GUK1: variants seen among roughly 807,000 people sequenced by gnomAD.
GUK1 encodes the protein guanylate kinase.
In GUK1, 18 loss-of-function variants were observed where a neutral mutation model predicts 25.2. That is an observed-to-expected ratio of 0.71 (90% CI 0.49 to 1.06). The LOEUF (loss-of-function observed/expected upper bound fraction) is 1.06. Ranked by LOEUF, GUK1 falls within the 50% of genes least tolerant of loss-of-function variation. The probability of loss-of-function intolerance (pLI) is 0.00; values close to 1 mark genes in which losing one functional copy is unlikely to be tolerated. For missense variants in GUK1, 261 were observed against 276.7 expected (o/e 0.94, Z 0.40); for synonymous variants, 105 against 117.6 (o/e 0.89, Z 0.69).
Position 228,146,950 on chromosome 1 carries a change from G to T in GUK1, c.251+12G>T, listed in dbSNP as rs769367413. On this transcript the variant is annotated intron_variant, in intron 5 of 8. Transcript: ENST00000312726. ...CTGTATGGCACGAGGTGGGCCATGC[G>T]TGGGTGTGGGTGGGCTCCCAGGGTT... 1.3e-6 allele frequency: 2 copies of T among 1,548,054 alleles called. No individual in the cohort carries two copies. The highest frequency in any genetic ancestry group is 1.7e-4 in the Middle Eastern group (1 of 5,964).
At chr1:228,145,990 G>C (rs769499272) in intron 3 of GUK1, 36 bp from the exon 3 acceptor site, 5 of 1,549,262 alleles carry the variant, frequency 3.2e-6, no homozygotes, top group Non-Finnish European at 4.5e-6. Flanking sequence ...ATTGGGCTCC[G>C]AGCAGCCCCC....
rs887714861 is a variant in GUK1 at position 228,144,827 on chromosome 1, G to A, written c.-2-684G>A. On this transcript the variant is annotated intron_variant, in intron 2 of 8. Coordinates refer to ENST00000312726, the MANE Select transcript of GUK1 (RefSeq NM_000858.7). ...GGGCCCTCACCTGCCACGTGTCCAA[G>A]CTAGGATCCTGTTTGCCTTTCCCTT... The A allele has an allele frequency of 1.7e-5, 10 of 573,298 alleles. No individual in the cohort carries two copies. The African/African-American group carries it at 1.8e-4, about 10-fold the overall frequency. The allele number at this position is 573,298 out of a possible 1,614,324, so 35.5% of individuals were successfully genotyped here. A position where few individuals can be genotyped will look rare whatever the true frequency, so the allele number is the denominator to read the frequency against.
chr1:228,146,024 A>G lies in GUK1; in HGVS notation c.113-2A>G. On this transcript the variant is annotated splice_acceptor_variant, in intron 3 of 8. Coordinates refer to ENST00000312726, the MANE Select transcript of GUK1 (RefSeq NM_000858.7). LOFTEE classifies it high-confidence loss of function. ...CCGATGGGTGACAGGTCTCTCTGCT[A>G]GATACCACGAGGAACCCGAGGCCCG... The G allele has an allele frequency of 6.2e-7, 1 of 1,610,038 alleles. No individual in the cohort carries two copies. Among genetic ancestry groups the G allele is most frequent in the Non-Finnish European group, 8.5e-7 (1 of 1,176,424 alleles).
intron 2 of GUK1, chr1:228,141,313 C>A: frequency 6.2e-6 from 6 of 961,374 alleles, no homozygotes; most frequent in Non-Finnish European, 7.4e-6. Flanking sequence ...CTGTCCCCCC[C>A]GGGGAAAGAA....
Position 228,148,836 on chromosome 1 carries a change from G to A in GUK1, c.*139G>A, listed in dbSNP as rs1200518201. On this transcript the variant is annotated 3_prime_UTR_variant, in exon 9 of 9. Transcript: ENST00000312726. The stretch of plus-strand genomic sequence containing the variant: ...TGGAGGAGATGCTGCCCCTGTGGTT[G>A]GAACATCCTGGGGTGACCCCCGACC... The A allele has an allele frequency of 1.3e-6, 2 of 1,552,264 alleles. No individual in the cohort carries two copies. The highest frequency in any genetic ancestry group is 1.7e-4 in the Middle Eastern group (1 of 5,972).
intron 2 of GUK1, chr1:228,141,556 C>A: frequency 1.2e-6 from 1 of 832,438 alleles, no homozygotes; most frequent in Non-Finnish European, 1.5e-6. Context: ...TCTCGGTTCT[C>A]AGAAGGTCAA....
chr1:228,146,874 C>T lies in GUK1; in HGVS notation c.187C>T (p.Arg63Cys), dbSNP rs747691789. The T allele has an allele frequency of 2.0e-5, 32 of 1,613,486 alleles. No homozygotes were observed. Among genetic ancestry groups the T allele is most frequent in the Admixed American group, 3.3e-5 (2 of 60,030 alleles). The change falls in exon 5 of 9, where the codon CGT becomes TGT. Residue 63 changes from arginine (R) to cysteine (C), a missense_variant. Transcript: ENST00000312726. ...CTTTGTAACCAGGGAGGTGATGCAG[C>T]GTGACATAGCAGCCGGCGACTTCAT...
chr1:228,146,927 G>A lies in GUK1; in HGVS notation c.240G>A (p.Leu80=), dbSNP rs562065836. Residue 80 remains leucine, a synonymous_variant, in exon 5 of 9, where the codon CTG becomes CTA. Coordinates refer to ENST00000312726, the MANE Select transcript of GUK1 (RefSeq NM_000858.7). The stretch of plus-strand genomic sequence containing the variant: ...AGCATGCCGAGTTCTCGGGGAACCT[G>A]TATGGCACGAGGTGGGCCATGCGTG... 10 of 1,612,348 alleles carry A rather than the reference G, an allele frequency of 6.2e-6. No homozygotes were observed. In the African/African-American group the frequency reaches 1.2e-4, roughly 19 times the overall value.
At chr1:228,143,869 A>G (rs970942271) in intron 2 of GUK1, among the ~76,000 whole-genome samples, 4 of 152,300 alleles carry the variant, frequency 2.6e-5, no homozygotes, top group African/African-American at 9.6e-5. Context: ...CAAAAAGCCC[A>G]GAAGAGGCAG....
chr1:228,148,660 G>T lies in GUK1; in HGVS notation c.562-5G>T. On this transcript the variant is annotated splice_polypyrimidine_tract_variant and splice_region_variant and intron_variant, in intron 8 of 8. Coordinates refer to ENST00000312726, the MANE Select transcript of GUK1 (RefSeq NM_000858.7). ...CTCCCAACTCCCTTTCTTCCTCACTGGCAGGAAATCAAGAAAGCTCAAAGG... is the reference window on the plus strand; with the variant it reads ...CTCCCAACTCCCTTTCTTCCTCACTTGCAGGAAATCAAGAAAGCTCAAAGG... 6.3e-7 allele frequency: 1 copy of T among 1,587,192 alleles called. No homozygotes were observed. The highest frequency in any genetic ancestry group is 8.6e-7 in the Non-Finnish European group (1 of 1,163,954).
At chr1:228,146,101 C>T (rs2124945710) in intron 4 of GUK1, 34 bp downstream of exon 3, 1 of 1,514,610 alleles carries the variant, frequency 6.6e-7, no homozygotes, top group East Asian at 2.3e-5. Flanking sequence ...CTGGAGCACC[C>T]CCAGTGTGGG....
intron 2 of GUK1, chr1:228,141,531 G>A (rs1002918550): frequency 2.0e-5 from 13 of 648,694 alleles, no homozygotes; most frequent in Non-Finnish European, 2.6e-5. Flanking sequence ...GAGAGGCCAG[G>A]CGGGGGCTGA....
At chr1:228,141,355 G>A in intron 2 of GUK1, 1 of 706,986 alleles carries the variant, frequency 1.4e-6, no homozygotes, top group Non-Finnish European at 1.7e-6. Context: ...GCTGCTCCTG[G>A]TGTGGTCCCA....
chr1:228,140,233 C>T (rs912340012), upstream of GUK1: 1 of 1,317,086 alleles, frequency 7.6e-7, no homozygotes, highest in Admixed American at 2.1e-5. Flanking sequence ...ACGTCAGTCT[C>T]GCGCGCGGGC....
intron 4 of GUK1, 32 bp downstream of exon 3, chr1:228,146,099 C>A: frequency 6.5e-7 from 1 of 1,527,008 alleles, no homozygotes; most frequent in Non-Finnish European, 9.1e-7. Flanking sequence ...GGCTGGAGCA[C>A]CCCCAGTGTG....
In GUK1 at chr1:228,141,289, GTAAAGGAA is replaced by G. The variant is rs2034027742; in HGVS notation, c.-3+3_-3+10del. ...TGGAAGAGCCCGATTTCCTCAGGAG[GTAAAGGAA>G]TGTTCCTGTCCCCCCCGGGGAAAGA... On this transcript the variant is annotated splice_donor_variant and splice_donor_5th_base_variant and intron_variant, in intron 2 of 8. Coordinates refer to ENST00000312726, the MANE Select transcript of GUK1 (RefSeq NM_000858.7). LOFTEE classifies it low-confidence loss of function (5UTR_SPLICE). 17 of 979,310 alleles carry G rather than the reference GTAAAGGAA, an allele frequency of 1.7e-5. No homozygotes were observed. In the South Asian group the frequency reaches 8.0e-4, roughly 46 times the overall value. 60.7% of individuals were successfully genotyped at this position (979,310 alleles called of 1,614,324 possible). A position where few individuals can be genotyped will look rare whatever the true frequency, so the allele number is the denominator to read the frequency against.
At chr1:228,141,580 A>G (rs772182689) in intron 2 of GUK1, 144 of 976,238 alleles carry the variant, frequency 1.5e-4, no homozygotes, top group Non-Finnish European at 1.8e-4. Context: ...CTCTGTTAGC[A>G]TCTCCTCGAA....
chr1:228,141,564 C>T lies in GUK1; in HGVS notation c.-3+276C>T, dbSNP rs1186849828. ...TGAATTCTCTCGGTTCTCAGAAGGTCAAGCCCTCTGTTAGCATCTCCTCGA... is the reference window on the plus strand; with the variant it reads ...TGAATTCTCTCGGTTCTCAGAAGGTTAAGCCCTCTGTTAGCATCTCCTCGA... On this transcript the variant is annotated intron_variant, in intron 2 of 8. Coordinates refer to ENST00000312726, the MANE Select transcript of GUK1 (RefSeq NM_000858.7). The T allele has an allele frequency of 4.5e-6, 4 of 887,274 alleles. No individual in the cohort carries two copies. In the African/African-American group the frequency reaches 5.5e-5, roughly 12 times the overall value. The allele number at this position is 887,274 out of a possible 1,614,324, so 55.0% of individuals were successfully genotyped here. A position where few individuals can be genotyped will look rare whatever the true frequency, so the allele number is the denominator to read the frequency against.
chr1:228,141,062 C>T (rs763784383), intron 1 of GUK1: 36 of 820,994 alleles, frequency 4.4e-5, no homozygotes, highest in Non-Finnish European at 4.9e-5. Flanking sequence ...GAGGTCGGTC[C>T]TGAGGCCCCG....
Sources: gnomAD v4.1 joint callset for allele counts (sites outside exome capture counted in the v4.1 genomes callset) on GRCh38, gnomAD v4.1.1 for gene constraint, MANE v1.5 for transcripts, NCBI Gene and HGNC (gene_info 2026-07-23, HGNC 2026-07-21) for gene names.